Variants in CCDC170 observed in about 807,000 individuals in gnomAD.
CCDC170 encodes coiled-coil domain-containing protein 170.
A neutral mutation model predicts 72.6 loss-of-function variants in CCDC170; 69 were observed. The ratio of observed to expected loss-of-function variants is 0.95; its 90% confidence interval spans 0.78 to 1.16. CCDC170 has a LOEUF of 1.16. CCDC170 is among the 50% of genes most tolerant of loss of function. The pLI, the probability that CCDC170 is intolerant of heterozygous loss-of-function variation, is 0.00. For missense variants in CCDC170, 852 were observed against 832.5 expected (o/e 1.02, Z -0.29); for synonymous variants, 300 against 303.9 (o/e 0.99, Z 0.13).
intron 1 of CCDC170, among the ~76,000 whole-genome samples, chr6:151,509,181 TC>T (rs903629630): frequency 1.0e-3 from 159 of 152,140 alleles, no homozygotes; most frequent in African/African-American, 3.7e-3. Context: ...TCTCTCTCTC[TC>T]TCCCCCCTTT....
At chr6:151,555,271 C>T (rs1308394147) in intron 5 of CCDC170, among the ~76,000 whole-genome samples, 1 of 152,062 alleles carries the variant, frequency 6.6e-6, no homozygotes, top group African/African-American at 2.4e-5. Context: ...ACATAAAATA[C>T]TTAGGACGTG....
intron 7 of CCDC170, among the ~76,000 whole-genome samples, chr6:151,590,158 C>T (rs1776513129): frequency 6.6e-6 from 1 of 152,178 alleles, no homozygotes; most frequent in Non-Finnish European, 1.5e-5. Flanking sequence ...AAGCAACATG[C>T]ATCTGCCTCT....
chr6:151,498,987 T>C (rs563337451), intron 1 of CCDC170, among the ~76,000 whole-genome samples: 1 of 149,696 alleles, frequency 6.7e-6, no homozygotes, highest in Admixed American at 6.6e-5. Context: ...GCACACTGTA[T>C]AAGTGGAATC....
At chr6:151,495,877 A>G (rs1781902195) in intron 1 of CCDC170, among the ~76,000 whole-genome samples, 1 of 152,220 alleles carries the variant, frequency 6.6e-6, no homozygotes, top group Non-Finnish European at 1.5e-5. Context: ...TACAATGATC[A>G]AAATCGGGAT....
At chr6:151,564,166 G>A (rs544485993) in intron 5 of CCDC170, among the ~76,000 whole-genome samples, 1 of 152,310 alleles carries the variant, frequency 6.6e-6, no homozygotes, top group South Asian at 2.1e-4. Flanking sequence ...TTTTATAGGG[G>A]AGGATGTTTT....
In CCDC170 at chr6:151,572,651, T is replaced by TG. The variant is rs1583032097; in HGVS notation, c.775-523_775-522insG. On this transcript the variant is annotated intron_variant, in intron 5 of 10. Coordinates refer to ENST00000239374, the MANE Select transcript of CCDC170 (RefSeq NM_025059.4). The stretch of plus-strand genomic sequence containing the variant: ...TATATTTTATATCCCTTCTCTGTGT[T>TG]TTTTTTTTTTTTTTTTTTGATGGAG... Among the ~76,000 whole-genome samples the TG allele has an allele frequency of 4.0e-5, 3 of 74,418 alleles. No individual in the cohort carries two copies. The East Asian group carries it at 1.5e-3, about 38-fold the overall frequency. The allele number at this position is 74,418 out of a possible 152,430, so 48.8% of individuals were successfully genotyped here.
intron 9 of CCDC170, among the ~76,000 whole-genome samples, chr6:151,598,845 C>G (rs1776662625): frequency 6.6e-6 from 1 of 152,162 alleles, no homozygotes; most frequent in Non-Finnish European, 1.5e-5. Flanking sequence ...AAGGACTATG[C>G]AGATTATCCT....
chr6:151,508,732 T>A (rs933923087), intron 1 of CCDC170, among the ~76,000 whole-genome samples: 2 of 150,646 alleles, frequency 1.3e-5, no homozygotes, highest in African/African-American at 4.9e-5. Context: ...AATAAATAAA[T>A]AGGCCGGGCG....
At chr6:151,585,271 A>G (rs895728192) in intron 6 of CCDC170, among the ~76,000 whole-genome samples, 1 of 152,156 alleles carries the variant, frequency 6.6e-6, no homozygotes, top group African/African-American at 2.4e-5. Context: ...CACTGACCTT[A>G]TTTAGAGTCA....
At chr6:151,553,322 C>G (rs1202524928) in intron 5 of CCDC170, among the ~76,000 whole-genome samples, 1 of 152,126 alleles carries the variant, frequency 6.6e-6, no homozygotes, top group Non-Finnish European at 1.5e-5. Context: ...ATCCTCTTTC[C>G]ATATATATTC....
chr6:151,517,814 G>A (rs1281669706), intron 1 of CCDC170, among the ~76,000 whole-genome samples: 1 of 152,054 alleles, frequency 6.6e-6, no homozygotes, highest in African/African-American at 2.4e-5. Flanking sequence ...AAGTCAAGCT[G>A]TGGTCTACCT....
chr6:151,554,302 ATG>A (rs1180892563), intron 5 of CCDC170, among the ~76,000 whole-genome samples: 1 of 152,236 alleles, frequency 6.6e-6, no homozygotes, highest in Non-Finnish European at 1.5e-5. Context: ...CTAAACTTCC[ATG>A]TTGCATTTAA....
At chr6:151,546,523 C>G (rs1448643421) in intron 4 of CCDC170, among the ~76,000 whole-genome samples, 1 of 152,080 alleles carries the variant, frequency 6.6e-6, no homozygotes, top group Non-Finnish European at 1.5e-5. Flanking sequence ...CTGCCCTTCC[C>G]AGCAGAGCTT....
chr6:151,501,220 T>C (rs1781990268), intron 1 of CCDC170, among the ~76,000 whole-genome samples: 1 of 152,154 alleles, frequency 6.6e-6, no homozygotes, highest in Admixed American at 6.5e-5. Flanking sequence ...TTCTACAATA[T>C]GTTGACCAGG....
At chr6:151,561,915 A>T (rs1369696511) in intron 5 of CCDC170, among the ~76,000 whole-genome samples, 2 of 152,176 alleles carry the variant, frequency 1.3e-5, no homozygotes, top group Admixed American at 1.3e-4. Context: ...GTTCATTTTT[A>T]AAATTATTTT....
At chr6:151,566,702 T>A (rs1304841225) in intron 5 of CCDC170, among the ~76,000 whole-genome samples, 1 of 152,196 alleles carries the variant, frequency 6.6e-6, no homozygotes, top group East Asian at 1.9e-4. Context: ...GAATCACTAG[T>A]ATCACTATTA....
chr6:151,567,498 C>A (rs1583029835), intron 5 of CCDC170, among the ~76,000 whole-genome samples: 1 of 152,108 alleles, frequency 6.6e-6, no homozygotes, highest in African/African-American at 2.4e-5. Flanking sequence ...TCCCAAAGTG[C>A]TGGAATTACA....
At chr6:151,602,569 G>A (rs779765185) in intron 9 of CCDC170, among the ~76,000 whole-genome samples, 12 of 151,992 alleles carry the variant, frequency 7.9e-5, no homozygotes, top group African/African-American at 2.4e-4. Context: ...TCATAGGAGC[G>A]GTTTTCCCCT....
At chr6:151,495,347 T>C (rs1781893076) in intron 1 of CCDC170, among the ~76,000 whole-genome samples, 1 of 152,140 alleles carries the variant, frequency 6.6e-6, no homozygotes, top group Non-Finnish European at 1.5e-5. Flanking sequence ...TTTATCCCAA[T>C]GTGGTGTCTT....
Sources: gnomAD v4.1 joint callset for allele counts (sites outside exome capture counted in the v4.1 genomes callset) on GRCh38, gnomAD v4.1.1 for gene constraint, MANE v1.5 for transcripts, NCBI Gene and HGNC (gene_info 2026-07-23, HGNC 2026-07-21) for gene names.